Variants in GLB1L observed in about 807,000 individuals in gnomAD.
The protein encoded by GLB1L is galactosidase beta 1 like.
In GLB1L, 58 loss-of-function variants were observed where a neutral mutation model predicts 75.7. That is an observed-to-expected ratio of 0.77 (90% confidence interval 0.62 to 0.95). The LOEUF (loss-of-function observed/expected upper bound fraction) is 0.95. Ranked by LOEUF, GLB1L falls within the 40% of genes least tolerant of loss-of-function variation. GLB1L has a pLI of 0.00. For missense variants in GLB1L, 797 were observed against 805.5 expected (o/e 0.99, Z 0.13); for synonymous variants, 296 against 303.0 (o/e 0.98, Z 0.24).
chr2:219,243,159 G>A lies in GLB1L; in HGVS notation c.228C>T (p.Asn76=). ...RLLKMRWSGL[N]AIQFYVPWNY... ...CGAGCACTTCTTACAACTGTATGGC[G>A]TTGAGGCCGCTCCATCGCATCTTCA... is the stretch of plus-strand genomic sequence containing the variant. Residue 76 remains asparagine, a synonymous_variant, in exon 3 of 17, where the codon AAC becomes AAT. Transcript: ENST00000295759. The A allele has an allele frequency of 1.2e-6, 2 of 1,610,154 alleles. No individual in the cohort carries two copies. Among genetic ancestry groups the A allele is most frequent in the Non-Finnish European group, 8.5e-7 (1 of 1,178,092 alleles).
At position 219,238,678 on chromosome 2, in the gene GLB1L, T is replaced by A. The variant is rs1553566747; in HGVS notation, c.1137+27A>T. The A allele has an allele frequency of 3.1e-5, 50 of 1,598,638 alleles. 2 individuals are homozygous for A. The South Asian group carries it at 5.1e-4, about 16-fold the overall frequency. ...CTATTTAGAAAAAAAAGGTGTGGTA[T>A]AAGAGAAAAGATGTGGAGGAACTTA... On this transcript the variant is annotated intron_variant, in intron 12 of 16. Transcript: ENST00000295759.
chr2:219,239,705 T>C (rs768263440), intron 8 of GLB1L, 23 bp from the exon 9 acceptor site: 1 of 1,613,638 alleles, frequency 6.2e-7, no homozygotes, highest in South Asian at 1.1e-5. Context: ...ATGAAAGGAG[T>C]GTGAGTGAGA....
Position 219,239,767 on chromosome 2 carries a change from C to T in GLB1L, c.780+8G>A. ...CCCTGATTCCCTGACTCCTCTCTGG[C>T]CCCTCACCAATGGCCCATGGGGTTC... On this transcript the variant is annotated splice_region_variant and intron_variant, in intron 8 of 16. Transcript: ENST00000295759. 2 of 1,614,172 alleles carry T rather than the reference C, an allele frequency of 1.2e-6. No homozygotes were observed. The highest frequency in any genetic ancestry group is 2.2e-5 in the East Asian group (1 of 44,884).
rs1405343956 is a variant in GLB1L, at chr2:219,237,047, T to C, written c.*25A>G. ...TCCCAAAGTGCTGGGATTACAGGCA[T>C]GAGCCACCATGCCCGGCCTACCTTT... is the stretch of plus-strand genomic sequence containing the variant. On this transcript the variant is annotated 3_prime_UTR_variant, in exon 17 of 17. Transcript: ENST00000295759. 1.3e-6 allele frequency: 2 copies of C among 1,567,168 alleles called. No homozygotes were observed. The highest frequency in any genetic ancestry group is 1.7e-6 in the Non-Finnish European group (2 of 1,144,494).
chr2:219,243,674 A>C, intron 1 of GLB1L, 31 bp from the exon 2 acceptor site: 1 of 1,177,356 alleles, frequency 8.5e-7, no homozygotes, highest in Non-Finnish European at 1.3e-6. Context: ...AAACCACCTC[A>C]AGTTGCCAGG....
In GLB1L at chr2:219,243,210, C is replaced by G. The variant is rs1449273875; in HGVS notation, c.177G>C (p.Pro59=). The change falls in exon 3 of 17, where the codon CCG becomes CCC. Residue 59 remains proline, a synonymous_variant. Transcript: ENST00000295759. The part of the protein sequence containing the change: ...VSGSLHYFRV[P]RVLWADRLLK... ...AAAGCCGGTCGGCCCAAAGCACCCG[C>G]GGTACCCGAAAGTAGTGCAGGCTGC... 6.2e-7 allele frequency: 1 copy of G among 1,613,976 alleles called. No homozygotes were observed. Among genetic ancestry groups the G allele is most frequent in the Non-Finnish European group, 8.5e-7 (1 of 1,179,988 alleles).
chr2:219,237,235 T>C lies in GLB1L; in HGVS notation c.1802A>G (p.Lys601Arg). Residue 601 changes from lysine to arginine, a missense_variant, in exon 17 of 17, where the codon AAA becomes AGA. Transcript: ENST00000295759. ...ATCTTCTAGTTCCAGCAATGTAATT[T>C]TGTTGAGGGCTCCCCTAGGAAACAG... ...FLLFPRGALN[K>R]ITLLELEDVP... 1 of 1,614,158 alleles carries C rather than the reference T, an allele frequency of 6.2e-7. No individual in the cohort carries two copies. The highest frequency in any genetic ancestry group is 8.5e-7 in the Non-Finnish European group (1 of 1,180,026).
At position 219,240,187 on chromosome 2, in the gene GLB1L, G is replaced by A. The variant is rs2125055390; in HGVS notation, c.546+4C>T. ...CCCCTGCTCCAGTCACTTCCCCCTT[G>A]TACCTGAATGCTAATGATGTTGCCC... On this transcript the variant is annotated splice_donor_region_variant and intron_variant, in intron 6 of 16. Coordinates refer to ENST00000295759, the MANE Select transcript of GLB1L (RefSeq NM_001286423.2). The A allele has an allele frequency of 6.2e-7, 1 of 1,613,874 alleles. No individual in the cohort carries two copies. Among genetic ancestry groups the A allele is most frequent in the East Asian group, 2.2e-5 (1 of 44,888 alleles).
intron 5 of GLB1L, among the ~76,000 whole-genome samples, chr2:219,241,804 C>A (rs1182048097): frequency 6.6e-6 from 1 of 151,998 alleles, no homozygotes; most frequent in East Asian, 1.9e-4. Context: ...TAAACTTATA[C>A]TTGAACAGGA....
Position 219,242,845 on chromosome 2 carries a change from A to G in GLB1L, c.313T>C (p.Phe105Leu), listed in dbSNP as rs774980527. The G allele has an allele frequency of 1.2e-6, 2 of 1,614,164 alleles. No homozygotes were observed. Among genetic ancestry groups the G allele is most frequent in the Admixed American group, 1.7e-5 (1 of 60,032 alleles). The change falls in exon 4 of 17, where the codon TTT becomes CTT. Residue 105 changes from phenylalanine to leucine, a missense_variant. Physicochemically the swap from Phe to Leu is conservative, Grantham distance 22. Coordinates refer to ENST00000295759, the MANE Select transcript of GLB1L (RefSeq NM_001286423.2). Reference protein sequence around the residue: ...NFNGSRDLIAFLNEAALANLL... With the variant: ...NFNGSRDLIALLNEAALANLL... ...TTCGCTAGAGCTGCCTCATTCAGAA[A>G]GGCAATGAGGTCCCGGCTGCCATTA...
At position 219,238,599 on chromosome 2, in the gene GLB1L, GAGAAGAATT is replaced by G. The variant is rs756740528; in HGVS notation, c.1138-24_1138-16del. 6.2e-7 allele frequency: 1 copy of G among 1,609,896 alleles called. No homozygotes were observed. Among genetic ancestry groups the G allele is most frequent in the Non-Finnish European group, 8.5e-7 (1 of 1,176,520 alleles). On this transcript the variant is annotated splice_polypyrimidine_tract_variant and intron_variant, in intron 12 of 16. Coordinates refer to ENST00000295759, the MANE Select transcript of GLB1L (RefSeq NM_001286423.2). Reference sequence around the variant, plus strand: ...AAATGCCCAACCTATTAGAATAAGGGAGAAGAATTAGAATATCAGGGAAGTTTCTGGATA... The same window carrying G: ...AAATGCCCAACCTATTAGAATAAGGGAGAATATCAGGGAAGTTTCTGGATA...
chr2:219,238,276 C>A lies in GLB1L; in HGVS notation c.1315G>T (p.Asp439Tyr). The change falls in exon 14 of 17, where the codon GAC becomes TAC. Residue 439 changes from aspartate to tyrosine, a missense_variant. By Grantham distance (160) the Asp-to-Tyr change is radical. Coordinates refer to ENST00000295759, the MANE Select transcript of GLB1L (RefSeq NM_001286423.2). ...PFWVPNNGVH[D>Y]RAYVMVDGVF... ...CCATCCACCATCACATAGGCACGGT[C>A]ATGGACTCCATTATTTGGCACCCAG... 5 of 1,611,534 alleles carry A rather than the reference C, an allele frequency of 3.1e-6. No homozygotes were observed. Among genetic ancestry groups the A allele is most frequent in the Non-Finnish European group, 4.2e-6 (5 of 1,178,518 alleles).
At position 219,238,478 on chromosome 2, in the gene GLB1L, G is replaced by A. The variant is rs1382886733; in HGVS notation, c.1227+17C>T. On this transcript the variant is annotated intron_variant, in intron 13 of 16. Coordinates refer to ENST00000295759, the MANE Select transcript of GLB1L (RefSeq NM_001286423.2). ...AGGGAGGTTGTCATCTCCACCAGAT[G>A]TGGGTTTATGCCTTACCTGCTTGAC... The A allele has an allele frequency of 5.0e-6, 8 of 1,608,522 alleles. No homozygotes were observed. The highest frequency in any genetic ancestry group is 1.7e-5 in the Admixed American group (1 of 59,854).
Position 219,237,079 on chromosome 2 carries a change from C to A in GLB1L, c.1958G>T (p.Gly653Val). 6.2e-7 allele frequency: 1 copy of A among 1,601,908 alleles called. No homozygotes were observed. Among genetic ancestry groups the A allele is most frequent in the South Asian group, 1.1e-5 (1 of 90,720 alleles). The change falls in exon 17 of 17, where the codon GGG (glycine) becomes GTG (valine). Residue 653 changes from glycine to valine, a missense_variant. By Grantham distance (109) the Gly-to-Val change is moderately radical. Coordinates refer to ENST00000295759, the MANE Select transcript of GLB1L (RefSeq NM_001286423.2). ...CCATGCCCGGCCTACCTTTCAGTGC[C>A]CACTTAACTCCATTGGTTCAGAGGC... The part of the protein sequence containing the change: ...LSASEPMELS[G>V]H
rs1951249069 is a variant in GLB1L, at chr2:219,236,676, G to C, written c.*396C>G. ...ATGTGTACTTGTACTTACATTCAGA[G>C]GCACTGTGGCCTTTAGTTCCTTAGG... On this transcript the variant is annotated 3_prime_UTR_variant, in exon 17 of 17. Coordinates refer to ENST00000295759, the MANE Select transcript of GLB1L (RefSeq NM_001286423.2). 2 of 564,878 alleles carry C rather than the reference G, an allele frequency of 3.5e-6. No homozygotes were observed. Among genetic ancestry groups the C allele is most frequent in the Non-Finnish European group, 5.9e-6 (2 of 340,986 alleles). The allele number at this position is 564,878 out of a possible 1,614,324, so 35.0% of individuals were successfully genotyped here.
rs117945358 is a variant in GLB1L, at chr2:219,243,045, T to G, written c.239+103A>C. Reference sequence around the variant, plus strand: ...GTCCTGGCCTGCCCTTTCCCACCCTTGGCCTAGGAGTCCTGGCAGTCTTCC... The same window carrying G: ...GTCCTGGCCTGCCCTTTCCCACCCTGGGCCTAGGAGTCCTGGCAGTCTTCC... On this transcript the variant is annotated intron_variant, in intron 3 of 16. Coordinates refer to ENST00000295759, the MANE Select transcript of GLB1L (RefSeq NM_001286423.2). 8.1e-4 allele frequency: 1,250 copies of G among 1,547,370 alleles called. 25 individuals carry two copies. In the East Asian group the frequency reaches 0.024, roughly 30 times the overall value.
At chr2:219,243,371 G>A (rs1401708071) in intron 2 of GLB1L, 57 bp from the exon 3 acceptor site, 1 of 1,592,002 alleles carries the variant, frequency 6.3e-7, no homozygotes, top group African/African-American at 1.3e-5. Context: ...TCGAGGGTCA[G>A]CGCCTGCCAA....
At chr2:219,238,444 T>C in intron 13 of GLB1L, 51 bp downstream of exon 13, 2 of 1,573,390 alleles carry the variant, frequency 1.3e-6, no homozygotes, top group Non-Finnish European at 1.7e-6. Context: ...CTTTTGCGTA[T>C]AGCTGTTAAG....
Position 219,243,141 on chromosome 2 carries a change from T to C in GLB1L, c.239+7A>G, listed in dbSNP as rs762295917. On this transcript the variant is annotated splice_region_variant and intron_variant, in intron 3 of 16. Coordinates refer to ENST00000295759, the MANE Select transcript of GLB1L (RefSeq NM_001286423.2). ...ATCCCTCCGCGGCTCTTGCGAGCACTTCTTACAACTGTATGGCGTTGAGGC... is the reference window on the plus strand; with the variant it reads ...ATCCCTCCGCGGCTCTTGCGAGCACCTCTTACAACTGTATGGCGTTGAGGC... The C allele has an allele frequency of 6.3e-7, 1 of 1,592,356 alleles. No homozygotes were observed. The highest frequency in any genetic ancestry group is 2.2e-5 in the East Asian group (1 of 44,488).
Sources: gnomAD v4.1 joint callset for allele counts (sites outside exome capture counted in the v4.1 genomes callset) on GRCh38, gnomAD v4.1.1 for gene constraint, MANE v1.5 for transcripts, NCBI Gene and HGNC (gene_info 2026-07-23, HGNC 2026-07-21) for gene names.